Variants in CYFIP2 observed in about 807,000 individuals in gnomAD.
CYFIP2 encodes cytoplasmic FMR1 interacting protein 2, also known as cytoplasmic FMR1-interacting protein 2.
Under a neutral mutation model 158.7 loss-of-function variants are expected in CYFIP2, and 29 were observed. The ratio of observed to expected loss-of-function variants is 0.18; its 90% confidence interval spans 0.14 to 0.25. CYFIP2 has a LOEUF of 0.25. Among genes scored for constraint, CYFIP2 ranks in the 10% least tolerant of loss-of-function variants. The probability of loss-of-function intolerance (pLI) is 1.00; values close to 1 mark genes in which losing one functional copy is unlikely to be tolerated. For missense variants in CYFIP2, 852 were observed against 1,639.5 expected (o/e 0.52, Z 8.29); for synonymous variants, 585 against 617.6 (o/e 0.95, Z 0.78).
At chr5:157,329,450 G>T (rs1715635868) in intron 19 of CYFIP2, among the ~76,000 whole-genome samples, 1 of 152,178 alleles carries the variant, frequency 6.6e-6, no homozygotes, top group African/African-American at 2.4e-5. Context: ...TTAAAGTGTG[G>T]GAAGTTGAGG....
rs371922795 is a variant in CYFIP2 at position 157,369,470 on chromosome 5, A to G, written c.3039+7872A>G. On this transcript the variant is annotated intron_variant, in intron 26 of 30. Transcript: ENST00000620254. ...CTAACACAAGGCTCATTAACCATAA[A>G]TCAGGGGAGGGACATTTCAGCTTCC... Among the ~76,000 whole-genome samples the G allele has an allele frequency of 2.0e-5, 3 of 152,290 alleles. No individual in the cohort carries two copies. In the South Asian group the frequency reaches 6.2e-4, roughly 32 times the overall value.
At chr5:157,305,380 C>T (rs962474046) in intron 8 of CYFIP2, among the ~76,000 whole-genome samples, 1 of 152,216 alleles carries the variant, frequency 6.6e-6, no homozygotes, top group African/African-American at 2.4e-5. Flanking sequence ...CCAAAGTGAT[C>T]ACAATTGTTT....
chr5:157,378,977 C>A (rs1435834837), intron 26 of CYFIP2, among the ~76,000 whole-genome samples: 1 of 152,150 alleles, frequency 6.6e-6, no homozygotes, highest in African/African-American at 2.4e-5. Context: ...TACAGATGAG[C>A]TTTTGATGAA....
rs1767177001 is a variant in CYFIP2, at chr5:157,390,505, C to A, written c.3447-16C>A. On this transcript the variant is annotated splice_polypyrimidine_tract_variant and intron_variant, in intron 29 of 30. Coordinates refer to ENST00000620254, the MANE Select transcript of CYFIP2 (RefSeq NM_001037333.3). ...CCCGACCTCTCACTCCAGCTGCTTCCTCCCCCTGCTCCCAGGCAGTGTTTC... is the reference window on the plus strand; with the variant it reads ...CCCGACCTCTCACTCCAGCTGCTTCATCCCCCTGCTCCCAGGCAGTGTTTC... 2 of 1,548,224 alleles carry A rather than the reference C, an allele frequency of 1.3e-6. No individual in the cohort carries two copies. Among genetic ancestry groups the A allele is most frequent in the East Asian group, 2.4e-5 (1 of 40,874 alleles).
chr5:157,322,346 TG>T (rs1760665505), intron 15 of CYFIP2, among the ~76,000 whole-genome samples: 1 of 152,200 alleles, frequency 6.6e-6, no homozygotes, highest in African/African-American at 2.4e-5. Flanking sequence ...ACAGTAGACA[TG>T]GGCATCTTGC....
intron 5 of CYFIP2, 94 bp from the exon 6 acceptor site, chr5:157,300,619 CGA>C (rs1003355778): frequency 8.7e-7 from 1 of 1,155,132 alleles, no homozygotes; most frequent in African/African-American, 1.6e-5. Context: ...TTGCCTTTCT[CGA>C]GAGGGCTGGC....
intron 23 of CYFIP2, chr5:157,343,639 A>AACATGAGTGCCCGT: frequency 2.0e-6 from 2 of 975,906 alleles, no homozygotes; most frequent in Non-Finnish European, 3.0e-6. Flanking sequence ...TGAGACGGGC[A>AACATGAGTGCCCGT]CTCATGTTGC....
chr5:157,309,256 G>A (rs1484286567), intron 9 of CYFIP2, among the ~76,000 whole-genome samples: 1 of 152,172 alleles, frequency 6.6e-6, no homozygotes, highest in Non-Finnish European at 1.5e-5. Context: ...CATTTGCCCT[G>A]GTTTTTGGTC....
At chr5:157,368,849 C>T (rs985272927) in intron 26 of CYFIP2, among the ~76,000 whole-genome samples, 1 of 151,976 alleles carries the variant, frequency 6.6e-6, no homozygotes, top group East Asian at 1.9e-4. Flanking sequence ...GAGGGTTACC[C>T]TCCAAGCCCT....
At chr5:157,328,878 A>G (rs992161070) in intron 19 of CYFIP2, among the ~76,000 whole-genome samples, 3 of 152,342 alleles carry the variant, frequency 2.0e-5, no homozygotes, top group African/African-American at 7.2e-5. Context: ...TTGCCAGTAT[A>G]TGTTGATTCA....
chr5:157,341,137 T>C lies in CYFIP2; in HGVS notation c.2653T>C (p.Tyr885His). 6.2e-7 allele frequency: 1 copy of C among 1,613,948 alleles called. No homozygotes were observed. Among genetic ancestry groups the C allele is most frequent in the Non-Finnish European group, 8.5e-7 (1 of 1,179,856 alleles). The change falls in exon 23 of 31, where the codon TAT becomes CAT. Residue 885 changes from tyrosine (Y) to histidine (H), a missense_variant. Coordinates refer to ENST00000620254, the MANE Select transcript of CYFIP2 (RefSeq NM_001037333.3). ...QRDKPANVQP[Y>H]YLYGSKPLNI... ...AGACAAACCTGCCAACGTCCAGCCT[T>C]ATTACCTCTATGGATCCAAGGTAAG...
chr5:157,362,926 G>C (rs775228207), intron 26 of CYFIP2: 1 of 152,322 alleles, frequency 6.6e-6, no homozygotes, highest in Non-Finnish European at 1.5e-5. Flanking sequence ...GGGGACAGTT[G>C]TTTTACCCTG....
At chr5:157,335,990 C>T (rs538645379) in intron 21 of CYFIP2, among the ~76,000 whole-genome samples, 21 of 152,232 alleles carry the variant, frequency 1.4e-4, no homozygotes, top group Non-Finnish European at 2.5e-4. Context: ...GCTTATCAGG[C>T]GAGGGCAGTG....
At chr5:157,285,204 G>C in intron 1 of CYFIP2, 135 bp from the exon 2 acceptor site, 1 of 615,090 alleles carries the variant, frequency 1.6e-6, no homozygotes, top group East Asian at 2.8e-5. Flanking sequence ...ACCTTGGGAA[G>C]AAGTGGTGAG....
At chr5:157,337,287 T>C (rs115649261) in intron 21 of CYFIP2, among the ~76,000 whole-genome samples, 2,068 of 152,284 alleles carry the variant, frequency 0.014, 47 homozygotes, top group African/African-American at 0.047. Context: ...ATTCCTCCGA[T>C]GCTGTTCCAG....
At chr5:157,280,844 C>T (rs2113831925) in intron 1 of CYFIP2, among the ~76,000 whole-genome samples, 1 of 152,144 alleles carries the variant, frequency 6.6e-6, no homozygotes, top group African/African-American at 2.4e-5. Context: ...TCTTTTAAAA[C>T]ATAACCTTGA....
chr5:157,294,377 A>T (rs1346473331), intron 3 of CYFIP2, among the ~76,000 whole-genome samples: 1 of 152,230 alleles, frequency 6.6e-6, no homozygotes, highest in Non-Finnish European at 1.5e-5. Flanking sequence ...GGCAGTTTTG[A>T]TAATATACTT....
rs538829395 is a variant in CYFIP2 at position 157,322,831 on chromosome 5, C to T, written c.1672-1090C>T. 321 of 1,173,056 alleles carry T rather than the reference C, an allele frequency of 2.7e-4. 3 individuals carry two copies. The highest frequency in any genetic ancestry group is 1.4e-3 in the South Asian group (98 of 70,726). The allele number at this position is 1,173,056 out of a possible 1,614,324, so 72.7% of individuals were successfully genotyped here. On this transcript the variant is annotated intron_variant, in intron 15 of 30. Coordinates refer to ENST00000620254, the MANE Select transcript of CYFIP2 (RefSeq NM_001037333.3). Reference sequence around the variant, plus strand: ...CCGGCAGTCGCGGCGGCTTTCCCACCGTATACAATACCTCTTGCTTTTCTC... The same window carrying T: ...CCGGCAGTCGCGGCGGCTTTCCCACTGTATACAATACCTCTTGCTTTTCTC...
At chr5:157,390,988 C>A (rs1483258745) in intron 30 of CYFIP2, among the ~76,000 whole-genome samples, 1 of 152,062 alleles carries the variant, frequency 6.6e-6, no homozygotes, top group Admixed American at 6.5e-5. Flanking sequence ...CAGAGTTGTA[C>A]GGGGCACCTG....
Sources: gnomAD v4.1 joint callset for allele counts (sites outside exome capture counted in the v4.1 genomes callset) on GRCh38, gnomAD v4.1.1 for gene constraint, MANE v1.5 for transcripts, NCBI Gene and HGNC (gene_info 2026-07-23, HGNC 2026-07-21) for gene names.